Variants in MAP3K7 observed in about 807,000 individuals in gnomAD.
The protein encoded by MAP3K7 is mitogen-activated protein kinase kinase kinase 7.
In MAP3K7, 21 loss-of-function variants were observed where a neutral mutation model predicts 84.8. That is an observed-to-expected ratio of 0.25 (90% CI 0.18 to 0.36). The LOEUF (loss-of-function observed/expected upper bound fraction) is 0.36. Ranked by LOEUF, MAP3K7 falls within the 10% of genes least tolerant of loss-of-function variation. The pLI, the probability that MAP3K7 is intolerant of heterozygous loss-of-function variation, is 1.00. For synonymous variants in MAP3K7, 241 were observed against 247.7 expected, an observed-to-expected ratio of 0.97 and a Z score of 0.25; for missense variants, 503 against 747.7, an observed-to-expected ratio of 0.67 and a Z score of 3.82.
intron 1 of MAP3K7, among the ~76,000 whole-genome samples, chr6:90,581,803 C>G (rs1440311675): frequency 6.6e-6 from 1 of 152,144 alleles, no homozygotes; most frequent in Non-Finnish European, 1.5e-5. Flanking sequence ...AATCTATGTA[C>G]TCAGTTTGTT....
At chr6:90,568,842 G>A (rs1158874946) in intron 2 of MAP3K7, among the ~76,000 whole-genome samples, 5 of 152,144 alleles carry the variant, frequency 3.3e-5, no homozygotes, top group Admixed American at 6.5e-5. Flanking sequence ...CAGTTTAGCT[G>A]GAGAGATAGA....
chr6:90,551,964 A>G (rs1356468382), intron 8 of MAP3K7, 85 bp downstream of exon 8: 1 of 1,433,066 alleles, frequency 7.0e-7, no homozygotes, highest in Non-Finnish European at 9.5e-7. Flanking sequence ...AGAATATAGT[A>G]ATAACATCCC....
At chr6:90,542,155 G>A (rs1008999839) in intron 12 of MAP3K7, 1 of 823,740 alleles carries the variant, frequency 1.2e-6, no homozygotes, top group Non-Finnish European at 1.5e-6. Context: ...TGGAAATTAA[G>A]TATCACCCTT....
At chr6:90,530,084 T>C (rs1302486317) in intron 13 of MAP3K7, among the ~76,000 whole-genome samples, 1 of 152,240 alleles carries the variant, frequency 6.6e-6, no homozygotes, top group Non-Finnish European at 1.5e-5. Context: ...TTCCTGAGTC[T>C]TTTTAACTTT....
chr6:90,578,028 G>A (rs1007835182), intron 1 of MAP3K7, among the ~76,000 whole-genome samples: 2 of 152,258 alleles, frequency 1.3e-5, no homozygotes, highest in African/African-American at 4.8e-5. Flanking sequence ...AAATCCTTAT[G>A]GGGGAAGACT....
At chr6:90,526,269 T>TA (rs1301142701) in intron 13 of MAP3K7, among the ~76,000 whole-genome samples, 3 of 152,196 alleles carry the variant, frequency 2.0e-5, no homozygotes, top group African/African-American at 7.2e-5. Context: ...TAAGTGACTT[T>TA]ACGCCTAGCA....
At chr6:90,567,964 C>T (rs1046606239) in intron 3 of MAP3K7, among the ~76,000 whole-genome samples, 1 of 152,134 alleles carries the variant, frequency 6.6e-6, no homozygotes, top group Non-Finnish European at 1.5e-5. Flanking sequence ...ATTGCAAGGA[C>T]AGAAAACCAA....
intron 1 of MAP3K7, among the ~76,000 whole-genome samples, chr6:90,578,244 C>T (rs1232465573): frequency 2.0e-5 from 3 of 152,140 alleles, no homozygotes; most frequent in South Asian, 2.1e-4. Flanking sequence ...TAAGAAATAC[C>T]GGCAGGAGGA....
At chr6:90,542,447 G>A in intron 12 of MAP3K7, 1 of 985,028 alleles carries the variant, frequency 1.0e-6, no homozygotes, top group Non-Finnish European at 1.2e-6. Flanking sequence ...GCAATTAAGA[G>A]AATTAAGGTT....
intron 1 of MAP3K7, among the ~76,000 whole-genome samples, chr6:90,586,086 C>A (rs186592764): frequency 6.6e-6 from 1 of 152,292 alleles, no homozygotes; most frequent in African/African-American, 2.4e-5. Flanking sequence ...AAGAACATTA[C>A]GTCCGGCCGG....
intron 13 of MAP3K7, among the ~76,000 whole-genome samples, chr6:90,524,527 G>A (rs892230714): frequency 1.3e-5 from 2 of 152,134 alleles, no homozygotes; most frequent in East Asian, 1.9e-4. Flanking sequence ...TCAAAGTGCT[G>A]AAAAATAACT....
At chr6:90,576,218 T>C (rs568824403) in intron 1 of MAP3K7, among the ~76,000 whole-genome samples, 51 of 151,858 alleles carry the variant, frequency 3.4e-4, no homozygotes, top group Non-Finnish European at 7.1e-4. Flanking sequence ...GGTCAGGAGA[T>C]TGAGACCATC....
In MAP3K7 at chr6:90,516,217, A is replaced by G. The variant is rs1342063780; in HGVS notation, c.*284T>C. ...GTTCTGTTAGGCTAGCCTTCACACA[A>G]TGAGCATGCATATACAGCCACAGTT... On this transcript the variant is annotated 3_prime_UTR_variant, in exon 17 of 17. Transcript: ENST00000369329. The G allele has an allele frequency of 6.8e-6, 3 of 439,676 alleles. No individual in the cohort carries two copies. Among genetic ancestry groups the G allele is most frequent in the Non-Finnish European group, 1.2e-5 (3 of 246,832 alleles). 27.2% of individuals were successfully genotyped at this position (439,676 alleles called of 1,614,324 possible).
intron 13 of MAP3K7, among the ~76,000 whole-genome samples, chr6:90,526,340 C>T (rs950955381): frequency 6.6e-6 from 1 of 152,072 alleles, no homozygotes; most frequent in Non-Finnish European, 1.5e-5. Flanking sequence ...TGATTATGTA[C>T]TAAGCTATAA....
chr6:90,550,763 T>C (rs1776155965), intron 8 of MAP3K7: 1 of 393,892 alleles, frequency 2.5e-6, no homozygotes, highest in Non-Finnish European at 4.6e-6. Flanking sequence ...TAGATAGTCT[T>C]GAAGAAAACA....
At chr6:90,577,977 A>G (rs1443079569) in intron 1 of MAP3K7, among the ~76,000 whole-genome samples, 3 of 152,224 alleles carry the variant, frequency 2.0e-5, no homozygotes, top group African/African-American at 4.8e-5. Flanking sequence ...AGCTTTCCAC[A>G]GCACCCATAT....
Position 90,517,370 on chromosome 6 carries a change from G to A in MAP3K7, c.1641-689C>T, listed in dbSNP as rs1003525569. ...TAAAGTGAGGTTACTGGATATAAATGAATAATTAATAAAAAGTCCTCAAGC... is the reference window on the plus strand; with the variant it reads ...TAAAGTGAGGTTACTGGATATAAATAAATAATTAATAAAAAGTCCTCAAGC... On this transcript the variant is annotated intron_variant, in intron 16 of 16. Transcript: ENST00000369329. Among the ~76,000 whole-genome samples, 9 of 151,508 alleles carry A rather than the reference G, an allele frequency of 5.9e-5. No homozygotes were observed. The South Asian group carries it at 1.0e-3, about 18-fold the overall frequency.
chr6:90,523,039 T>A (rs1582160880), intron 14 of MAP3K7, among the ~76,000 whole-genome samples: 1 of 152,194 alleles, frequency 6.6e-6, no homozygotes. Context: ...ATTTCCTGTT[T>A]GCCCATAATG....
At chr6:90,573,083 G>A (rs575960196) in intron 1 of MAP3K7, among the ~76,000 whole-genome samples, 2 of 152,240 alleles carry the variant, frequency 1.3e-5, no homozygotes, top group Admixed American at 6.5e-5. Context: ...CAGGCCTAGA[G>A]GAAGGTACTA....
Sources: gnomAD v4.1 joint callset for allele counts (sites outside exome capture counted in the v4.1 genomes callset) on GRCh38, gnomAD v4.1.1 for gene constraint, MANE v1.5 for transcripts, NCBI Gene and HGNC (gene_info 2026-07-23, HGNC 2026-07-21) for gene names.